ELAVL2: variants seen among roughly 807,000 people sequenced by gnomAD.
ELAVL2 encodes the protein ELAV-like protein 2.
A neutral mutation model predicts 34.6 loss-of-function variants in ELAVL2; 4 were observed. The observed-to-expected ratio is 0.12, with a 90% confidence interval of 0.06 to 0.26. ELAVL2 has a LOEUF of 0.26. ELAVL2 is among the 10% of genes least tolerant of loss of function. ELAVL2 has a pLI of 1.00. For synonymous variants in ELAVL2, 193 were observed against 154.8 expected, an observed-to-expected ratio of 1.25 and a Z score of -1.83; for missense variants, 432 against 442.8, an observed-to-expected ratio of 0.98 and a Z score of 0.22.
At chr9:23,718,993 G>A (rs1435187526) in intron 3 of ELAVL2, among the ~76,000 whole-genome samples, 1 of 152,138 alleles carries the variant, frequency 6.6e-6, no homozygotes, top group African/African-American at 2.4e-5. Flanking sequence ...GATTTTAAAA[G>A]AAAGAGTTTT....
intron 1 of ELAVL2, among the ~76,000 whole-genome samples, chr9:23,817,564 G>A (rs949285542): frequency 6.6e-6 from 1 of 152,132 alleles, no homozygotes; most frequent in African/African-American, 2.4e-5. Flanking sequence ...ACTTAACATT[G>A]ATATTAAAGA....
At chr9:23,765,359 GAACT>G (rs1381050868) in intron 1 of ELAVL2, among the ~76,000 whole-genome samples, 3 of 152,004 alleles carry the variant, frequency 2.0e-5, no homozygotes, top group African/African-American at 4.8e-5. Flanking sequence ...CTATTCTGAA[GAACT>G]AATGTAAACC....
chr9:23,818,227 T>TAA (rs1032241258), intron 1 of ELAVL2, among the ~76,000 whole-genome samples: 1 of 152,162 alleles, frequency 6.6e-6, no homozygotes, highest in African/African-American at 2.4e-5. Flanking sequence ...TCACTAGACA[T>TAA]AAAGCCTTCA....
intron 3 of ELAVL2, among the ~76,000 whole-genome samples, chr9:23,726,994 C>T (rs957964157): frequency 1.3e-5 from 2 of 152,068 alleles, no homozygotes; most frequent in African/African-American, 2.4e-5. Flanking sequence ...CAACTTGACA[C>T]TTCCATGAGA....
At chr9:23,827,550 GTACA>G (rs897069697), upstream of ELAVL2, among the ~76,000 whole-genome samples, 2 of 152,020 alleles carry the variant, frequency 1.3e-5, no homozygotes, top group African/African-American at 4.8e-5. Flanking sequence ...TAAATGTAAT[GTACA>G]CATTACATTA....
At chr9:23,815,605 A>C (rs925831726) in intron 1 of ELAVL2, among the ~76,000 whole-genome samples, 2 of 152,212 alleles carry the variant, frequency 1.3e-5, no homozygotes, top group Non-Finnish European at 2.9e-5. Flanking sequence ...CTTGTACTTC[A>C]ATATGCTCAT....
chr9:23,821,692 G>GGA (rs951094236), intron 1 of ELAVL2: 5 of 152,670 alleles, frequency 3.3e-5, no homozygotes, highest in African/African-American at 1.2e-4. Context: ...CGAGCTCCGC[G>GGA]GAGAGGCGGT....
At chr9:23,794,525 C>T (rs1183920905) in intron 1 of ELAVL2, among the ~76,000 whole-genome samples, 1 of 152,168 alleles carries the variant, frequency 6.6e-6, no homozygotes, top group African/African-American at 2.4e-5. Flanking sequence ...GGATAGACAG[C>T]CCCCATTTTT....
chr9:23,714,397 G>A (rs2041786456), intron 3 of ELAVL2, among the ~76,000 whole-genome samples: 1 of 152,174 alleles, frequency 6.6e-6, no homozygotes, highest in Non-Finnish European at 1.5e-5. Flanking sequence ...GTTAATTCCT[G>A]AATATTCCAA....
At chr9:23,823,894 C>T (rs2065113524) in intron 1 of ELAVL2, among the ~76,000 whole-genome samples, 1 of 152,130 alleles carries the variant, frequency 6.6e-6, no homozygotes, top group African/African-American at 2.4e-5. Context: ...ATAGTGTAGG[C>T]CTGGGAAATA....
At chr9:23,757,227 A>C (rs1250436735) in intron 2 of ELAVL2, among the ~76,000 whole-genome samples, 1 of 152,102 alleles carries the variant, frequency 6.6e-6, no homozygotes, top group African/African-American at 2.4e-5. Context: ...CAGAGAAGAC[A>C]CACTCGCCAG....
intron 2 of ELAVL2, 88 bp downstream of exon 2, chr9:23,761,918 G>C: frequency 3.5e-6 from 5 of 1,416,416 alleles, no homozygotes; most frequent in Non-Finnish European, 4.7e-6. Context: ...TTGCAGCAGT[G>C]AATTATTTAC....
intron 3 of ELAVL2, among the ~76,000 whole-genome samples, chr9:23,710,408 C>A (rs2040604204): frequency 6.6e-6 from 1 of 152,236 alleles, no homozygotes; most frequent in Admixed American, 6.5e-5. Context: ...TCCAAACACA[C>A]AACTGCTCTC....
At chr9:23,811,829 A>G (rs966560530) in intron 1 of ELAVL2, among the ~76,000 whole-genome samples, 2 of 152,184 alleles carry the variant, frequency 1.3e-5, no homozygotes, top group Admixed American at 1.3e-4. Context: ...TAGGTTTTGC[A>G]GAAATACTTT....
chr9:23,772,989 A>G (rs1216367723), intron 1 of ELAVL2, among the ~76,000 whole-genome samples: 1 of 152,172 alleles, frequency 6.6e-6, no homozygotes, highest in African/African-American at 2.4e-5. Flanking sequence ...CATCCCAGCT[A>G]GAACAAAACA....
chr9:23,703,542 G>C (rs529853453), intron 4 of ELAVL2, among the ~76,000 whole-genome samples: 1 of 152,206 alleles, frequency 6.6e-6, no homozygotes, highest in African/African-American at 2.4e-5. Flanking sequence ...TCTCTACTCA[G>C]AACTCTAAAG....
the ELAVL2 span, among the ~76,000 whole-genome samples, chr9:23,838,049 A>T: frequency 6.6e-6 from 1 of 152,178 alleles, no homozygotes; most frequent in South Asian, 2.1e-4. Flanking sequence ...CATATAGTAA[A>T]CAGTTATAAA....
intron 2 of ELAVL2, among the ~76,000 whole-genome samples, chr9:23,748,608 T>C (rs192098300): frequency 2.0e-5 from 3 of 152,198 alleles, no homozygotes; most frequent in South Asian, 2.1e-4. Context: ...GCAGAACAAC[T>C]GCAAAGGGGG....
intron 1 of ELAVL2, among the ~76,000 whole-genome samples, chr9:23,783,678 C>G (rs774706973): frequency 2.0e-5 from 3 of 152,120 alleles, no homozygotes; most frequent in Non-Finnish European, 4.4e-5. Flanking sequence ...CAAGATGACT[C>G]AGATAAGGAG....
Sources: allele counts gnomAD v4.1 joint callset (sites outside exome capture counted in the v4.1 genomes callset), GRCh38; gene constraint gnomAD v4.1.1; transcripts MANE v1.5; gene names NCBI Gene and HGNC (gene_info 2026-07-23, HGNC 2026-07-21).